The following DRP2 variants were observed in gnomAD, a reference collection of about 807,000 sequenced individuals.
DRP2 encodes the protein dystrophin related protein 2.
DRP2 carries 29 observed loss-of-function variants against 78.2 expected under a neutral mutation model. That is an observed-to-expected ratio of 0.37 (90% CI 0.28 to 0.51). The LOEUF (loss-of-function observed/expected upper bound fraction) is 0.51, where lower values mean the gene tolerates loss of function less well. Ranked by LOEUF, DRP2 falls within the 20% of genes least tolerant of loss-of-function variation. The pLI is 0.94. For missense variants in DRP2, 686 were observed against 770.6 expected (o/e 0.89, Z 1.30); for synonymous variants, 290 against 281.9 (o/e 1.03, Z -0.29).
chrX:101,238,843 C>G, intron 5 of DRP2, 138 bp from the exon 6 acceptor site: 1 of 759,181 alleles, frequency 1.3e-6, no homozygotes. Context: ...GCCTTTTTGT[C>G]TAGGTAGTTC....
In DRP2 at chrX:101,262,315, C is replaced by A. The variant is rs1409017017; in HGVS notation, c.*1694C>A. 9.0e-6 allele frequency: 1 copy of A among 111,413 alleles called. No individual in the cohort carries two copies. Among genetic ancestry groups the A allele is most frequent in the Non-Finnish European group, 1.9e-5 (1 of 53,104 alleles). 9.2% of individuals were successfully genotyped at this position (111,413 alleles called of 1,213,427 possible). ...GGCCTTGGGTGAATTTTCCTGGGCT[C>A]CCCTAAATGGTTCAGGTGCCAAAAT... On this transcript the variant is annotated 3_prime_UTR_variant, in exon 24 of 24. Coordinates refer to ENST00000395209, the MANE Select transcript of DRP2 (RefSeq NM_001939.3).
At chrX:101,244,569 T>C (rs1922858106) in intron 9 of DRP2, among the ~76,000 whole-genome samples, 1 of 111,410 alleles carries the variant, frequency 9.0e-6, no homozygotes, top group African/African-American at 3.3e-5. Flanking sequence ...AAATGGGCAG[T>C]ACCATTACCC....
chrX:101,252,985 A>AAAAACAAAAC (rs1433053639), intron 17 of DRP2, among the ~76,000 whole-genome samples: 1 of 112,038 alleles, frequency 8.9e-6, no homozygotes, highest in Admixed American at 9.4e-5. Flanking sequence ...AAGTCTCAGG[A>AAAAACAAAAC]AAAACAAAAC....
chrX:101,252,046 G>A (rs7892637), intron 16 of DRP2, among the ~76,000 whole-genome samples: 42 of 112,318 alleles, frequency 3.7e-4, no homozygotes, highest in African/African-American at 1.4e-3. Context: ...CTAAGTCTAG[G>A]CATTTCACTG....
At chrX:101,225,949 GA>G (rs1922103558) in intron 2 of DRP2, among the ~76,000 whole-genome samples, 1 of 111,620 alleles carries the variant, frequency 9.0e-6, no homozygotes, top group East Asian at 2.8e-4. Flanking sequence ...GAAAAGGGCA[GA>G]AATAGTAGAA....
At chrX:101,240,504 G>T (rs919205263) in intron 6 of DRP2, among the ~76,000 whole-genome samples, 3 of 112,390 alleles carry the variant, frequency 2.7e-5, no homozygotes, top group African/African-American at 9.7e-5. Flanking sequence ...TGAAGTGTTG[G>T]GATTACAGGT....
chrX:101,241,682 C>A lies in DRP2; in HGVS notation c.574C>A (p.Gln192Lys). The A allele has an allele frequency of 8.3e-7, 1 of 1,211,318 alleles. No homozygotes were observed. Among genetic ancestry groups the A allele is most frequent in the Non-Finnish European group, 1.1e-6 (1 of 895,206 alleles). The change falls in exon 7 of 24, where the codon CAG (glutamine) becomes AAG (lysine). Residue 192 changes from glutamine to lysine, a missense_variant. Gln to Lys is a moderately conservative substitution (Grantham distance 53). This residue lies in a region of DRP2 where 263 missense variants were observed against 239.1 expected (regional missense o/e 1.10). Coordinates refer to ENST00000395209, the MANE Select transcript of DRP2 (RefSeq NM_001939.3). ...TCCTCTTGCAGATACCTCCCCGAAA[C>A]AGCGGATCCAGAATCTCAGCCGCTT... Reference protein sequence around the residue: ...HSESKDTSPKQRIQNLSRFVW... With the variant: ...HSESKDTSPKKRIQNLSRFVW...
At chrX:101,244,952 A>G (rs1372657580) in intron 9 of DRP2, 65 bp from the exon 10 acceptor site, 1 of 1,039,922 alleles carries the variant, frequency 9.6e-7, no homozygotes, top group Non-Finnish European at 1.3e-6. Context: ...AGAGCAAGGG[A>G]GTAGCTGGGG....
intron 9 of DRP2, among the ~76,000 whole-genome samples, chrX:101,244,509 C>T (rs986688857): frequency 3.6e-5 from 4 of 111,484 alleles, no homozygotes; most frequent in African/African-American, 1.3e-4. Context: ...AAAAGATAGA[C>T]ACAGGCAGAG....
intron 9 of DRP2, among the ~76,000 whole-genome samples, chrX:101,244,117 C>T (rs1444653442): frequency 9.0e-6 from 1 of 110,848 alleles, no homozygotes. Context: ...GGGTTTGAGC[C>T]AAGGGATGGC....
intron 15 of DRP2, 142 bp downstream of exon 15, chrX:101,250,722 G>C (rs1923105409): frequency 1.1e-6 from 1 of 942,069 alleles, no homozygotes; most frequent in Non-Finnish European, 1.4e-6. Flanking sequence ...ACAGGGCAGA[G>C]GGTTCTCTGG....
Position 101,241,697 on chromosome X carries a change from C to T in DRP2, c.589C>T (p.Leu197Phe), listed in dbSNP as rs772120737. The T allele has an allele frequency of 3.8e-5, 46 of 1,209,976 alleles. No homozygotes were observed. Among genetic ancestry groups the T allele is most frequent in the South Asian group, 1.6e-4 (9 of 56,780 alleles). ...CTCCCCGAAACAGCGGATCCAGAAT[C>T]TCAGCCGCTTTGTATGGAAGCAGGC... ...DTSPKQRIQN[L>F]SRFVWKQATV... is the part of the protein sequence containing the mutation. The change falls in exon 7 of 24, where the codon CTC becomes TTC. Residue 197 changes from leucine to phenylalanine, a missense_variant. By Grantham distance (22) the Leu-to-Phe change is conservative (BLOSUM62 0). Coordinates refer to ENST00000395209, the MANE Select transcript of DRP2 (RefSeq NM_001939.3).
At position 101,258,318 on chromosome X, in the gene DRP2, G is replaced by C; in HGVS notation, c.2400G>C (p.Gln800His). 1.7e-6 allele frequency: 2 copies of C among 1,176,757 alleles called. No homozygotes were observed. The highest frequency in any genetic ancestry group is 2.3e-6 in the Non-Finnish European group (2 of 877,179). Residue 800 changes from glutamine (Q) to histidine (H), a missense_variant, in exon 22 of 24, where the codon CAG (glutamine) becomes CAC (histidine). Coordinates refer to ENST00000395209, the MANE Select transcript of DRP2 (RefSeq NM_001939.3). Reference protein sequence around the residue: ...AHLEDENRILQGELRRLKWQH... With the variant: ...AHLEDENRILHGELRRLKWQH... ...TCTCTCTCCATGGCAGGATTCTCCA[G>C]GGAGAGCTGAGGCGCCTGAAGTGGC...
chrX:101,239,317 T>C (rs746849794), intron 6 of DRP2, among the ~76,000 whole-genome samples: 58 of 111,916 alleles, frequency 5.2e-4, no homozygotes, highest in African/African-American at 1.8e-3. Flanking sequence ...AACAGTTGTG[T>C]GACCCAAAGC....
chrX:101,236,171 C>T, intron 4 of DRP2, 148 bp downstream of exon 4: 1 of 603,877 alleles, frequency 1.7e-6, no homozygotes, highest in Non-Finnish European at 2.6e-6. Flanking sequence ...GGGGAAACAG[C>T]CTTGCTTTAG....
At chrX:101,249,160 A>G (rs1274782605) in intron 14 of DRP2, among the ~76,000 whole-genome samples, 1 of 112,199 alleles carries the variant, frequency 8.9e-6, no homozygotes, top group East Asian at 2.8e-4. Flanking sequence ...CTAATATGTG[A>G]CTGCTAAATG....
intron 14 of DRP2, among the ~76,000 whole-genome samples, chrX:101,250,086 A>G (rs779117809): frequency 9.0e-6 from 1 of 110,766 alleles, no homozygotes; most frequent in South Asian, 3.9e-4. Context: ...TGTTTTCCCA[A>G]CAGTATCATA....
At chrX:101,252,136 G>T (rs1923163439) in intron 16 of DRP2, among the ~76,000 whole-genome samples, 1 of 112,073 alleles carries the variant, frequency 8.9e-6, no homozygotes, top group African/African-American at 3.2e-5. Flanking sequence ...GCAATAATAG[G>T]TATATTATTA....
rs975009035 is a variant in DRP2 at position 101,263,138 on chromosome X, G to A, written c.*2517G>A. The A allele has an allele frequency of 1.6e-4, 18 of 111,993 alleles. No homozygotes were observed. The highest frequency in any genetic ancestry group is 5.5e-4 in the African/African-American group (17 of 30,779). 9.2% of individuals were successfully genotyped at this position (111,993 alleles called of 1,213,427 possible). ...GTGTTTACCTTAATGCCTAAGGTGA[G>A]TGTATTGTTCAAGGGTCCAGGGACA... On this transcript the variant is annotated 3_prime_UTR_variant, in exon 24 of 24. Coordinates refer to ENST00000395209, the MANE Select transcript of DRP2 (RefSeq NM_001939.3).
Sources: allele counts gnomAD v4.1 joint callset (sites outside exome capture counted in the v4.1 genomes callset), GRCh38; gene constraint gnomAD v4.1.1; regional missense constraint gnomAD v4.1.1; transcripts MANE v1.5; gene names NCBI Gene and HGNC (gene_info 2026-07-23, HGNC 2026-07-21).